CNTNAP2: variants seen among roughly 807,000 people sequenced by gnomAD.
CNTNAP2 encodes the protein contactin associated protein 2.
Under a neutral mutation model 155.2 loss-of-function variants are expected in CNTNAP2, and 98 were observed. The observed-to-expected ratio is 0.63, with a 90% CI of 0.54 to 0.75. The LOEUF is 0.75. Among genes scored for constraint, CNTNAP2 ranks in the 30% least tolerant of loss-of-function variants. CNTNAP2 has a pLI of 0.00. For synonymous variants in CNTNAP2, 651 were observed against 631.2 expected (o/e 1.03, Z -0.47); for missense variants, 1,727 against 1,688.1 (o/e 1.02, Z -0.40).
intron 1 of CNTNAP2, among the ~76,000 whole-genome samples, chr7:146,372,853 C>A (rs1795254780): frequency 6.6e-6 from 1 of 152,150 alleles, no homozygotes; most frequent in African/African-American, 2.4e-5. Flanking sequence ...CAGAAAAACT[C>A]TTTTCCCTCA....
At chr7:147,942,745 T>A (rs759963474) in intron 14 of CNTNAP2, among the ~76,000 whole-genome samples, 2 of 152,164 alleles carry the variant, frequency 1.3e-5, no homozygotes, top group Non-Finnish European at 2.9e-5. Flanking sequence ...TCAAGACCAC[T>A]GTGTCTTACT....
intron 20 of CNTNAP2, 149 bp downstream of exon 20, chr7:148,229,928 A>G: frequency 2.4e-6 from 2 of 829,570 alleles, no homozygotes; most frequent in Non-Finnish European, 3.8e-6. Flanking sequence ...CTAGTGAAGT[A>G]GAAATATATA....
At chr7:147,672,739 C>T (rs1173595173) in intron 13 of CNTNAP2, 2 of 152,144 alleles carry the variant, frequency 1.3e-5, no homozygotes, top group African/African-American at 2.4e-5. Flanking sequence ...ACTGTGTATT[C>T]ACTGCAGACC....
At chr7:146,797,325 G>A (rs1430993484) in intron 2 of CNTNAP2, among the ~76,000 whole-genome samples, 1 of 152,144 alleles carries the variant, frequency 6.6e-6, no homozygotes, top group Non-Finnish European at 1.5e-5. Flanking sequence ...AAGGGAAAAG[G>A]TGTTCAAGGG....
At chr7:147,330,160 T>C (rs1190309064) in intron 9 of CNTNAP2, among the ~76,000 whole-genome samples, 2 of 152,018 alleles carry the variant, frequency 1.3e-5, no homozygotes, top group Non-Finnish European at 2.9e-5. Flanking sequence ...ACCAACCTCC[T>C]AGAAGGGAAG....
intron 8 of CNTNAP2, among the ~76,000 whole-genome samples, chr7:147,269,096 A>G (rs1320149609): frequency 6.6e-6 from 1 of 152,100 alleles, no homozygotes; most frequent in Non-Finnish European, 1.5e-5. Context: ...CCTTCCTTAG[A>G]CGAGAACTCC....
rs1803251698 is a variant in CNTNAP2, at chr7:148,065,999, G to A, written c.2384-52119G>A. Reference sequence around the variant, plus strand: ...GGCTTTGTAGTGGTGAATTATCTCAGCATTTGTTTGTCTGTAAAAGACCAT... The same window carrying A: ...GGCTTTGTAGTGGTGAATTATCTCAACATTTGTTTGTCTGTAAAAGACCAT... On this transcript the variant is annotated intron_variant, in intron 15 of 23. Transcript: ENST00000361727. 1.3e-5 allele frequency among the ~76,000 whole-genome samples: 2 copies of A among 152,132 alleles called. 1 individual carries two copies. Among genetic ancestry groups the A allele is most frequent in the Non-Finnish European group, 2.9e-5 (2 of 68,030 alleles).
At chr7:147,052,314 A>T (rs1799487601) in intron 4 of CNTNAP2, among the ~76,000 whole-genome samples, 1 of 152,156 alleles carries the variant, frequency 6.6e-6, no homozygotes, top group African/African-American at 2.4e-5. Context: ...CACCTTATTC[A>T]TCACTAGCAT....
chr7:147,595,811 T>A, intron 12 of CNTNAP2, among the ~76,000 whole-genome samples: 1 of 152,198 alleles, frequency 6.6e-6, no homozygotes, highest in East Asian at 1.9e-4. Flanking sequence ...GACTATGCAG[T>A]AAGGATACAC....
chr7:148,022,637 TTTTTTGTTTTTG>T (rs1043732129), intron 15 of CNTNAP2, among the ~76,000 whole-genome samples: 1 of 152,042 alleles, frequency 6.6e-6, no homozygotes, highest in Non-Finnish European at 1.5e-5. Context: ...CGTGGCCTGT[TTTTTTGTTTTTG>T]TTTTTGTTTT....
intron 14 of CNTNAP2, among the ~76,000 whole-genome samples, chr7:147,952,827 T>G (rs552789526): frequency 1.3e-5 from 2 of 152,296 alleles, no homozygotes; most frequent in South Asian, 4.1e-4. Context: ...AAAATATACT[T>G]ATTTTTTTTA....
At chr7:147,733,299 T>C (rs955095793) in intron 13 of CNTNAP2, among the ~76,000 whole-genome samples, 6 of 152,244 alleles carry the variant, frequency 3.9e-5, no homozygotes, top group Admixed American at 2.6e-4. Context: ...TTTCTTGTTT[T>C]TGTCAGGTTT....
chr7:147,012,165 C>A (rs1798639765), intron 3 of CNTNAP2, among the ~76,000 whole-genome samples: 1 of 152,156 alleles, frequency 6.6e-6, no homozygotes. Flanking sequence ...GGGAAGGAGT[C>A]ACCCCTTTTC....
rs117475952 is a variant in CNTNAP2 at position 147,254,935 on chromosome 7, G to T, written c.1349-45206G>T. 8.6e-3 allele frequency among the ~76,000 whole-genome samples: 1,311 copies of T among 152,234 alleles called. 17 individuals carry two copies. Among genetic ancestry groups the T allele is most frequent in the Middle Eastern group, 0.024 (7 of 294 alleles). On this transcript the variant is annotated intron_variant, in intron 8 of 23. Coordinates refer to ENST00000361727, the MANE Select transcript of CNTNAP2 (RefSeq NM_014141.6). ...TATTCCAAAGAAATACAATTATCTT[G>T]CTCAGAAAAGAGAAGAAATGTAGAA...
chr7:147,931,593 C>G, intron 14 of CNTNAP2, among the ~76,000 whole-genome samples: 1 of 152,188 alleles, frequency 6.6e-6, no homozygotes, highest in African/African-American at 2.4e-5. Context: ...GATCATACAC[C>G]ACAACCAGGT....
At chr7:146,542,248 G>A (rs544798543) in intron 1 of CNTNAP2, among the ~76,000 whole-genome samples, 2 of 151,940 alleles carry the variant, frequency 1.3e-5, no homozygotes, top group Non-Finnish European at 2.9e-5. Flanking sequence ...ATTCTGGCTG[G>A]CAGCTAGGCT....
At chr7:146,862,366 A>G (rs1325038519) in intron 3 of CNTNAP2, among the ~76,000 whole-genome samples, 2 of 152,142 alleles carry the variant, frequency 1.3e-5, no homozygotes, top group Admixed American at 1.3e-4. Flanking sequence ...AGTTTTGGCA[A>G]CTTTTGGATC....
At chr7:146,756,995 A>G (rs1372286366) in intron 1 of CNTNAP2, among the ~76,000 whole-genome samples, 1 of 152,152 alleles carries the variant, frequency 6.6e-6, no homozygotes, top group East Asian at 1.9e-4. Context: ...AATGTGATCA[A>G]ATAAAGTAAT....
chr7:148,166,267 T>C (rs890458701), intron 17 of CNTNAP2, among the ~76,000 whole-genome samples: 3 of 152,196 alleles, frequency 2.0e-5, no homozygotes, highest in Admixed American at 6.5e-5. Context: ...GACTTTTGTG[T>C]GTTTTGCTTC....
Sources: gnomAD v4.1 joint callset for allele counts (sites outside exome capture counted in the v4.1 genomes callset) on GRCh38, gnomAD v4.1.1 for gene constraint, MANE v1.5 for transcripts, NCBI Gene and HGNC (gene_info 2026-07-23, HGNC 2026-07-21) for gene names.